Variants in SPCS2 observed in about 807,000 individuals in gnomAD.
The protein encoded by SPCS2 is signal peptidase complex subunit 2, also known as SPase 25 kDa subunit.
Under a neutral mutation model 22.3 loss-of-function variants are expected in SPCS2, and 3 were observed. The ratio of observed to expected loss-of-function variants is 0.13; its 90% CI spans 0.06 to 0.35. SPCS2 has a LOEUF of 0.35. Ranked by LOEUF, SPCS2 falls within the 10% of genes least tolerant of loss-of-function variation. The pLI is 1.00. For synonymous variants in SPCS2, 67 were observed against 97.2 expected, an observed-to-expected ratio of 0.69 and a Z score of 1.83; for missense variants, 169 against 280.9, an observed-to-expected ratio of 0.60 and a Z score of 2.85.
At chr11:74,967,731 G>A (rs1476364051) in intron 3 of SPCS2, among the ~76,000 whole-genome samples, 2 of 152,154 alleles carry the variant, frequency 1.3e-5, no homozygotes, top group African/African-American at 4.8e-5. Flanking sequence ...CTGGGCGATA[G>A]AGCAAGACTC....
intron 4 of SPCS2, 115 bp from the exon 5 acceptor site, chr11:74,976,742 C>G (rs1204658104): frequency 7.6e-7 from 1 of 1,313,694 alleles, no homozygotes; most frequent in Non-Finnish European, 1.1e-6. Flanking sequence ...GTGTTTGTTC[C>G]CTGTATCACC....
rs145908753 is a variant in SPCS2, at chr11:74,975,973, A to G, written c.495-884A>G. Among the ~76,000 whole-genome samples the G allele has an allele frequency of 2.6e-4, 40 of 152,310 alleles. No homozygotes were observed. In the East Asian group the frequency reaches 5.6e-3, roughly 21 times the overall value. On this transcript the variant is annotated intron_variant, in intron 4 of 4. Coordinates refer to ENST00000263672, the MANE Select transcript of SPCS2 (RefSeq NM_014752.3). ...CCCTCTTGAATGAATGGACATAGTA[A>G]TGGCCTTCAGGGTACCTTGAAGTAT...
intron 1 of SPCS2, among the ~76,000 whole-genome samples, chr11:74,957,110 G>A (rs941370270): frequency 6.6e-6 from 1 of 152,090 alleles, no homozygotes; most frequent in Non-Finnish European, 1.5e-5. Flanking sequence ...TGCAGAATTT[G>A]TCTTGTTTAT....
chr11:74,965,006 A>AT, intron 1 of SPCS2, 28 bp from the exon 2 acceptor site: 1 of 1,506,206 alleles, frequency 6.6e-7, no homozygotes, highest in Non-Finnish European at 9.0e-7. Flanking sequence ...AGGTTTCTTG[A>AT]TGCACAACTT....
chr11:74,954,188 G>C (rs1279979935), intron 1 of SPCS2, among the ~76,000 whole-genome samples: 2 of 152,132 alleles, frequency 1.3e-5, no homozygotes, highest in African/African-American at 2.4e-5. Flanking sequence ...AAGCTATTCT[G>C]CTTAATAGTG....
chr11:74,966,850 G>A (rs566699580), intron 3 of SPCS2, among the ~76,000 whole-genome samples: 6 of 152,172 alleles, frequency 3.9e-5, no homozygotes, highest in African/African-American at 1.2e-4. Context: ...TGCAGCGTCA[G>A]CCTCCTGGCT....
chr11:74,960,164 C>T (rs1948503802), intron 1 of SPCS2, among the ~76,000 whole-genome samples: 1 of 152,130 alleles, frequency 6.6e-6, no homozygotes, highest in Admixed American at 6.5e-5. Flanking sequence ...AACCCCATCT[C>T]TATTAAAAAA....
chr11:74,973,783 A>G (rs1322324322), intron 4 of SPCS2, among the ~76,000 whole-genome samples: 2 of 152,124 alleles, frequency 1.3e-5, no homozygotes, highest in Non-Finnish European at 2.9e-5. Flanking sequence ...TTGGGAAGAT[A>G]GAAGCCATCA....
intron 1 of SPCS2, among the ~76,000 whole-genome samples, chr11:74,956,377 C>T (rs1948478949): frequency 6.6e-6 from 1 of 152,192 alleles, no homozygotes; most frequent in South Asian, 2.1e-4. Context: ...ATAGCCAGAG[C>T]CAATCTCTTG....
chr11:74,951,335 G>A (rs1948443484), intron 1 of SPCS2, among the ~76,000 whole-genome samples: 1 of 152,188 alleles, frequency 6.6e-6, no homozygotes. Context: ...CAGTACAGAT[G>A]TGTGATGGTG....
chr11:74,959,992 C>T (rs148122155), intron 1 of SPCS2, among the ~76,000 whole-genome samples: 3 of 152,224 alleles, frequency 2.0e-5, no homozygotes, highest in East Asian at 1.9e-4. Context: ...CTATCAAATG[C>T]CTGTTTTCTT....
At chr11:74,965,960 CT>C in intron 3 of SPCS2, 37 bp downstream of exon 3, 1 of 1,556,604 alleles carries the variant, frequency 6.4e-7, no homozygotes, top group African/African-American at 1.4e-5. Flanking sequence ...TTTCTAGTGA[CT>C]ATTTTTTTAA....
At chr11:74,958,819 G>A (rs561852520) in intron 1 of SPCS2, among the ~76,000 whole-genome samples, 5 of 152,046 alleles carry the variant, frequency 3.3e-5, no homozygotes, top group African/African-American at 1.2e-4. Flanking sequence ...CTGCTGCTCT[G>A]TTGAGCATTG....
In SPCS2 at chr11:74,970,576, A is replaced by G. The variant is rs536265010; in HGVS notation, c.494+877A>G. On this transcript the variant is annotated intron_variant, in intron 4 of 4. Transcript: ENST00000263672. ...AATAGCCGCACAAATTATAGGTACAATTATTTATATATGAAGTTAAGTGTA... is the reference window on the plus strand; with the variant it reads ...AATAGCCGCACAAATTATAGGTACAGTTATTTATATATGAAGTTAAGTGTA... Among the ~76,000 whole-genome samples, 88 of 152,330 alleles carry G rather than the reference A, an allele frequency of 5.8e-4. 2 individuals carry two copies. The highest frequency in any genetic ancestry group is 1.9e-3 in the African/African-American group (78 of 41,580).
At chr11:74,975,042 T>G (rs996620711) in intron 4 of SPCS2, among the ~76,000 whole-genome samples, 3 of 152,112 alleles carry the variant, frequency 2.0e-5, no homozygotes, top group African/African-American at 7.2e-5. Context: ...CAAAACTCTC[T>G]CAGAGAAATT....
At chr11:74,957,704 C>T (rs1199687757) in intron 1 of SPCS2, among the ~76,000 whole-genome samples, 1 of 152,182 alleles carries the variant, frequency 6.6e-6, no homozygotes. Context: ...CTACTTCTTA[C>T]CATTTAGCAC....
chr11:74,955,300 A>C (rs1948471387), intron 1 of SPCS2, among the ~76,000 whole-genome samples: 1 of 152,246 alleles, frequency 6.6e-6, no homozygotes, highest in African/African-American at 2.4e-5. Flanking sequence ...CACAGTTATC[A>C]TAATGGCCTA....
At chr11:74,951,809 T>TAAAAAAAAA (rs1948447708) in intron 1 of SPCS2, among the ~76,000 whole-genome samples, 1 of 35,526 alleles carries the variant, frequency 2.8e-5, no homozygotes, top group African/African-American at 1.1e-4. Context: ...AAACTCTGTC[T>TAAAAAAAAA]CAAAAAAAAA....
At chr11:74,968,103 G>T (rs557466523) in intron 3 of SPCS2, 6 of 152,210 alleles carry the variant, frequency 3.9e-5, no homozygotes, top group African/African-American at 1.4e-4. Flanking sequence ...TTTAAATCTA[G>T]GATTATCTCT....
Sources: allele counts gnomAD v4.1 joint callset (sites outside exome capture counted in the v4.1 genomes callset), GRCh38; gene constraint gnomAD v4.1.1; transcripts MANE v1.5; gene names NCBI Gene and HGNC (gene_info 2026-07-23, HGNC 2026-07-21).